Variants in PITPNM3 observed in about 807,000 individuals in gnomAD.
The protein encoded by PITPNM3 is PITPNM family member 3.
Under a neutral mutation model 102.0 loss-of-function variants are expected in PITPNM3, and 26 were observed. The observed-to-expected ratio is 0.25, with a 90% CI of 0.19 to 0.35. The LOEUF (loss-of-function observed/expected upper bound fraction) is 0.35. PITPNM3 is among the 10% of genes least tolerant of loss of function. The pLI, the probability that PITPNM3 is intolerant of heterozygous loss-of-function variation, is 1.00. For missense variants in PITPNM3, 1,083 were observed against 1,346.1 expected (o/e 0.80, Z 3.06); for synonymous variants, 578 against 558.6 (o/e 1.03, Z -0.49).
chr17:6,513,576 G>C (rs992242210), intron 3 of PITPNM3, among the ~76,000 whole-genome samples: 2 of 151,954 alleles, frequency 1.3e-5, no homozygotes, highest in African/African-American at 4.8e-5. Flanking sequence ...AAAATACTTA[G>C]GAATAAAGTT....
intron 4 of PITPNM3, among the ~76,000 whole-genome samples, chr17:6,493,044 C>G (rs1312766423): frequency 6.6e-6 from 1 of 152,122 alleles, no homozygotes; most frequent in Admixed American, 6.5e-5. Flanking sequence ...TCTCAAGCCC[C>G]TGGGATCACA....
chr17:6,484,102 C>T (rs1905923304), intron 5 of PITPNM3, 114 bp downstream of exon 5: 1 of 1,214,194 alleles, frequency 8.2e-7, no homozygotes, highest in Non-Finnish European at 1.2e-6. Flanking sequence ...CCCAGGGTCA[C>T]ACAGCAAGTC....
chr17:6,548,431 T>C (rs1229027595), intron 1 of PITPNM3, among the ~76,000 whole-genome samples: 2 of 152,062 alleles, frequency 1.3e-5, no homozygotes, highest in Admixed American at 6.6e-5. Context: ...AAAATAGCTC[T>C]TTTTACCACA....
In PITPNM3 at chr17:6,472,854, A is replaced by C; in HGVS notation, c.1259-27T>G. On this transcript the variant is annotated intron_variant, in intron 10 of 19. Transcript: ENST00000262483. This position sits in a 1 kb window ranked among gnomAD's most constrained non-coding sequence, Gnocchi z 4.1. ...TGGGGTGAGTGGGAAGACAGAGGGAAGCCACTTTCTAGTACCTGCTCCCTG... is the reference window on the plus strand; with the variant it reads ...TGGGGTGAGTGGGAAGACAGAGGGACGCCACTTTCTAGTACCTGCTCCCTG... 6.2e-7 allele frequency: 1 copy of C among 1,613,048 alleles called. No homozygotes were observed. Among genetic ancestry groups the C allele is most frequent in the Non-Finnish European group, 8.5e-7 (1 of 1,179,530 alleles).
Position 6,471,340 on chromosome 17 carries a change from G to A in PITPNM3, c.1445C>T (p.Thr482Ile), listed in dbSNP as rs1905065070. The A allele has an allele frequency of 1.2e-6, 2 of 1,600,806 alleles. No individual in the cohort carries two copies. Among genetic ancestry groups the A allele is most frequent in the Admixed American group, 3.4e-5 (2 of 59,320 alleles). The change falls in exon 12 of 20, where the codon ACC becomes ATC. Residue 482 changes from threonine (T) to isoleucine (I), a missense_variant. By Grantham distance (89) the Thr-to-Ile change is moderately conservative. Coordinates refer to ENST00000262483, the MANE Select transcript of PITPNM3 (RefSeq NM_031220.4). The part of the protein sequence containing the change: ...QSLLLADALH[T>I]HSPLFLEGSS... ...GCCCTCCAGGAAGAGGGGGCTGTGGGTGTGTAGGGCATCAGCTGGAGGGGG... is the reference window on the plus strand; with the variant it reads ...GCCCTCCAGGAAGAGGGGGCTGTGGATGTGTAGGGCATCAGCTGGAGGGGG...
At chr17:6,539,555 T>C (rs921402009) in intron 1 of PITPNM3, among the ~76,000 whole-genome samples, 1 of 152,080 alleles carries the variant, frequency 6.6e-6, no homozygotes, top group Non-Finnish European at 1.5e-5. Context: ...CATTCCTAGA[T>C]ACAAGAAATG....
Position 6,464,774 on chromosome 17 carries a change from G to A in PITPNM3, c.1891-3C>T. On this transcript the variant is annotated splice_region_variant and splice_polypyrimidine_tract_variant and intron_variant, in intron 14 of 19. Transcript: ENST00000262483. ...GCCCGGTGATTAGCCGTGACATTCT[G>A]GAAGGACAGAAAGAAGCTGGCTCAG... 6.2e-7 allele frequency: 1 copy of A among 1,614,052 alleles called. No individual in the cohort carries two copies. Among genetic ancestry groups the A allele is most frequent in the Non-Finnish European group, 8.5e-7 (1 of 1,179,946 alleles).
At chr17:6,540,721 C>A (rs957646198) in intron 1 of PITPNM3, among the ~76,000 whole-genome samples, 2 of 152,274 alleles carry the variant, frequency 1.3e-5, no homozygotes, top group Non-Finnish European at 2.9e-5. Context: ...TGCAATGGTG[C>A]GATCTTGGCT....
rs943457672 is a variant in PITPNM3, at chr17:6,469,638, T to G, written c.1773+622A>C. 2.0e-5 allele frequency among the ~76,000 whole-genome samples: 3 copies of G among 152,104 alleles called. No homozygotes were observed. Among genetic ancestry groups the G allele is most frequent in the African/African-American group, 7.2e-5 (3 of 41,422 alleles). The stretch of plus-strand genomic sequence containing the variant: ...ACCCCCTGTCCTACTCCAAGCCTCC[T>G]CTCTAAGTTGGGCCCCTGCACTGGC... On this transcript the variant is annotated intron_variant, in intron 13 of 19. Transcript: ENST00000262483. This position sits in a 1 kb window ranked among gnomAD's most constrained non-coding sequence, Gnocchi z 4.0.
chr17:6,523,523 G>A (rs531955404), intron 3 of PITPNM3, among the ~76,000 whole-genome samples: 8 of 152,282 alleles, frequency 5.3e-5, no homozygotes, highest in Admixed American at 1.3e-4. Context: ...TCACCTGACC[G>A]ACTGCCCTTA....
chr17:6,522,630 C>A (rs1412185976), intron 3 of PITPNM3, among the ~76,000 whole-genome samples: 1 of 152,138 alleles, frequency 6.6e-6, no homozygotes, highest in South Asian at 2.1e-4. Context: ...GCCAGAGCGT[C>A]CAGCATGAGG....
chr17:6,481,326 AGCTGGCATCCCCAAG>A (rs1051083633), intron 6 of PITPNM3: 32 of 152,616 alleles, frequency 2.1e-4, no homozygotes, highest in Admixed American at 4.0e-4. Context: ...AGATCCCCAC[AGCTGGCATCCCCAAG>A]GCTGGCATCC....
chr17:6,514,850 A>T (rs1233319113), intron 3 of PITPNM3, among the ~76,000 whole-genome samples: 1 of 152,264 alleles, frequency 6.6e-6, no homozygotes, highest in African/African-American at 2.4e-5. Context: ...GAAACAACTC[A>T]CATGTCCATC....
chr17:6,467,873 C>A (rs749052228), intron 14 of PITPNM3, among the ~76,000 whole-genome samples: 9 of 152,332 alleles, frequency 5.9e-5, no homozygotes, highest in Non-Finnish European at 1.0e-4. Flanking sequence ...TCACACCAGG[C>A]CATACTCAAT....
At chr17:6,511,690 G>A (rs185583613) in intron 3 of PITPNM3, among the ~76,000 whole-genome samples, 2 of 152,292 alleles carry the variant, frequency 1.3e-5, no homozygotes, top group African/African-American at 4.8e-5. Context: ...TGCAAAGAAA[G>A]GTCTGTGGCT....
chr17:6,463,952 T>C, intron 16 of PITPNM3, 71 bp from the exon 17 acceptor site: 1 of 1,594,046 alleles, frequency 6.3e-7, no homozygotes, highest in Non-Finnish European at 8.6e-7. Context: ...GAGGTCAGCC[T>C]GTAGCTGCAG....
At chr17:6,555,546 T>G (rs930941943) in intron 1 of PITPNM3, among the ~76,000 whole-genome samples, 14 of 152,112 alleles carry the variant, frequency 9.2e-5, no homozygotes, top group African/African-American at 2.7e-4. Context: ...ACAGCTGTCC[T>G]CCACCCGCCT....
At chr17:6,481,985 C>CCTCTCTCT (rs773528111) in intron 6 of PITPNM3, among the ~76,000 whole-genome samples, 6 of 56,140 alleles carry the variant, frequency 1.1e-4, no homozygotes, top group Non-Finnish European at 1.7e-4. Context: ...GAAAACAGAA[C>CCTCTCTCT]CTCTCTCTCT....
intron 3 of PITPNM3, among the ~76,000 whole-genome samples, chr17:6,506,475 G>T (rs563916454): frequency 1.3e-5 from 2 of 151,208 alleles, no homozygotes; most frequent in Non-Finnish European, 2.9e-5. Flanking sequence ...AGGTTCAAGC[G>T]ATTCTCCTGC....
Sources: allele counts gnomAD v4.1 joint callset (sites outside exome capture counted in the v4.1 genomes callset), GRCh38; gene constraint gnomAD v4.1.1; non-coding constraint Gnocchi (gnomAD v3.1); transcripts MANE v1.5; gene names NCBI Gene and HGNC (gene_info 2026-07-23, HGNC 2026-07-21).